The following ARHGAP6 variants were observed in gnomAD, a reference collection of about 807,000 sequenced individuals.
The protein encoded by ARHGAP6 is Rho GTPase activating protein 6.
A neutral mutation model predicts 55.7 loss-of-function variants in ARHGAP6; 16 were observed. That is an observed-to-expected ratio of 0.29 (90% CI 0.19 to 0.44). The LOEUF (loss-of-function observed/expected upper bound fraction) is 0.44. Among genes scored for constraint, ARHGAP6 ranks in the 20% least tolerant of loss-of-function variants. The pLI is 1.00. For synonymous variants in ARHGAP6, 382 were observed against 360.9 expected (o/e 1.06, Z -0.66); for missense variants, 698 against 808.9 (o/e 0.86, Z 1.66).
chrX:11,337,781 T>C (rs1227901280), intron 1 of ARHGAP6, among the ~76,000 whole-genome samples: 1 of 112,678 alleles, frequency 8.9e-6, no homozygotes, highest in Non-Finnish European at 1.9e-5. Flanking sequence ...TTTGTGTTGC[T>C]ATAAAGGAAT....
At chrX:11,527,000 C>T (rs990373003) in intron 1 of ARHGAP6, among the ~76,000 whole-genome samples, 6 of 91,915 alleles carry the variant, frequency 6.5e-5, no homozygotes, top group Admixed American at 2.6e-4. Flanking sequence ...TGATGCTTTG[C>T]TAATATGAGG....
intron 1 of ARHGAP6, among the ~76,000 whole-genome samples, chrX:11,488,334 T>C (rs958489869): frequency 5.3e-4 from 59 of 111,995 alleles, no homozygotes; most frequent in African/African-American, 1.9e-3. Flanking sequence ...TTAGGAGGGA[T>C]AGGGCATCAG....
chrX:11,176,899 C>A (rs2046233502), intron 8 of ARHGAP6, among the ~76,000 whole-genome samples: 1 of 112,078 alleles, frequency 8.9e-6, no homozygotes, highest in African/African-American at 3.2e-5. Flanking sequence ...GAGTTCCATT[C>A]TCACACCCGT....
Position 11,177,583 on chromosome X carries a change from G to C in ARHGAP6, c.1629+517C>G, listed in dbSNP as rs142609224. On this transcript the variant is annotated intron_variant, in intron 8 of 12. Coordinates refer to ENST00000337414, the MANE Select transcript of ARHGAP6 (RefSeq NM_013427.3). Reference sequence around the variant, plus strand: ...CTTGCATCGAGCAAGTCCCTGTTTTGGGGGGAGAGTTTAAGAAAGGAAAGG... The same window carrying C: ...CTTGCATCGAGCAAGTCCCTGTTTTCGGGGGAGAGTTTAAGAAAGGAAAGG... 9.9e-5 allele frequency among the ~76,000 whole-genome samples: 11 copies of C among 111,426 alleles called. No individual in the cohort carries two copies. In the Admixed American group the frequency reaches 1.0e-3, roughly 11 times the overall value.
chrX:11,567,027 A>G (rs2051449862), intron 1 of ARHGAP6, among the ~76,000 whole-genome samples: 1 of 112,240 alleles, frequency 8.9e-6, no homozygotes, highest in South Asian at 3.8e-4. Flanking sequence ...AGACAAACAC[A>G]TCAGTGCACA....
intron 2 of ARHGAP6, among the ~76,000 whole-genome samples, chrX:11,225,124 CTAT>C (rs916783866): frequency 3.6e-4 from 40 of 110,480 alleles, no homozygotes; most frequent in Non-Finnish European, 6.2e-4. Flanking sequence ...GCTATCATTG[CTAT>C]TATTATTATT....
At chrX:11,540,499 A>G (rs1476481239) in intron 1 of ARHGAP6, among the ~76,000 whole-genome samples, 1 of 110,834 alleles carries the variant, frequency 9.0e-6, no homozygotes, top group African/African-American at 3.3e-5. Flanking sequence ...TCCACAAGCA[A>G]AATTACCCAT....
intron 1 of ARHGAP6, among the ~76,000 whole-genome samples, chrX:11,498,881 T>A (rs978528630): frequency 3.6e-5 from 4 of 112,098 alleles, no homozygotes; most frequent in African/African-American, 1.3e-4. Context: ...AAGAGCAATA[T>A]CTGGAAGCAA....
At chrX:11,625,780 A>C (rs1403070424) in intron 1 of ARHGAP6, among the ~76,000 whole-genome samples, 1 of 111,951 alleles carries the variant, frequency 8.9e-6, no homozygotes, top group Non-Finnish European at 1.9e-5. Context: ...CTTGTAACAA[A>C]ATATCACATG....
chrX:11,265,450 T>C (rs906466504), intron 1 of ARHGAP6, among the ~76,000 whole-genome samples: 1 of 112,057 alleles, frequency 8.9e-6, no homozygotes, highest in Non-Finnish European at 1.9e-5. Flanking sequence ...CTGTTAATCA[T>C]GACACAATCC....
intron 1 of ARHGAP6, among the ~76,000 whole-genome samples, chrX:11,397,036 AG>A (rs1453820276): frequency 8.1e-5 from 9 of 111,641 alleles, no homozygotes; most frequent in Middle Eastern, 4.6e-3. Flanking sequence ...TCTTGGGAGT[AG>A]ATGGTATCAT....
intron 1 of ARHGAP6, among the ~76,000 whole-genome samples, chrX:11,429,849 G>A (rs1023724917): frequency 4.5e-5 from 5 of 112,348 alleles, no homozygotes; most frequent in Non-Finnish European, 5.6e-5. Flanking sequence ...GAACCAGCTT[G>A]AGCTTCACCA....
Position 11,285,469 on chromosome X carries a change from G to T in ARHGAP6, c.589-30762C>A, listed in dbSNP as rs1054115135. ...TAAATAAAAAGGAAATATACATTTT[G>T]TACTTACAGAGAAGCCACTGTATAA... is the stretch of plus-strand genomic sequence containing the variant. On this transcript the variant is annotated intron_variant, in intron 1 of 12. Transcript: ENST00000337414. Among the ~76,000 whole-genome samples, 4 of 111,810 alleles carry T rather than the reference G, an allele frequency of 3.6e-5. No homozygotes were observed. In the Admixed American group the frequency reaches 3.8e-4, roughly 11 times the overall value.
At chrX:11,438,693 C>A (rs1312861205) in intron 1 of ARHGAP6, among the ~76,000 whole-genome samples, 1 of 112,866 alleles carries the variant, frequency 8.9e-6, no homozygotes. Flanking sequence ...CTAGCACTTT[C>A]TTCTTTCAAG....
At position 11,315,607 on chromosome X, in the gene ARHGAP6, T is replaced by G. The variant is rs1470681723; in HGVS notation, c.589-60900A>C. ...AAAGACGAAGGCTGTTTTTTCTCTT[T>G]TAGGGAAAGATACCCAAATTCCAGA... On this transcript the variant is annotated intron_variant, in intron 1 of 12. Coordinates refer to ENST00000337414, the MANE Select transcript of ARHGAP6 (RefSeq NM_013427.3). Among the ~76,000 whole-genome samples, 6 of 111,833 alleles carry G rather than the reference T, an allele frequency of 5.4e-5. No individual in the cohort carries two copies. The Admixed American group carries it at 5.7e-4, about 11-fold the overall frequency.
intron 1 of ARHGAP6, among the ~76,000 whole-genome samples, chrX:11,527,011 AGTGTGTGTGT>A (rs59668043): frequency 0.03 from 2,411 of 81,022 alleles, 84 homozygotes; most frequent in African/African-American, 0.1. Flanking sequence ...TAATATGAGG[AGTGTGTGTGT>A]GTGTGTGTGT....
intron 1 of ARHGAP6, among the ~76,000 whole-genome samples, chrX:11,448,217 C>T (rs1362706096): frequency 8.9e-6 from 1 of 112,233 alleles, no homozygotes; most frequent in African/African-American, 3.2e-5. Context: ...CCAATCCTTC[C>T]TCCTTACTTG....
At chrX:11,551,562 A>G (rs184876823) in intron 1 of ARHGAP6, among the ~76,000 whole-genome samples, 1 of 111,986 alleles carries the variant, frequency 8.9e-6, no homozygotes, top group Admixed American at 9.5e-5. Flanking sequence ...CTCCAAAAAA[A>G]AGATATGTTG....
intron 2 of ARHGAP6, among the ~76,000 whole-genome samples, chrX:11,210,927 A>T (rs940052994): frequency 8.9e-6 from 1 of 112,426 alleles, no homozygotes; most frequent in African/African-American, 3.2e-5. Context: ...TTCTATCAAT[A>T]GAACTATTAA....
Sources: allele counts gnomAD v4.1 joint callset (sites outside exome capture counted in the v4.1 genomes callset), GRCh38; gene constraint gnomAD v4.1.1; transcripts MANE v1.5; gene names NCBI Gene and HGNC (gene_info 2026-07-23, HGNC 2026-07-21).